The following MYO10 variants were observed in gnomAD, a reference collection of about 807,000 sequenced individuals.
The protein encoded by MYO10 is myosin X.
MYO10 carries 133 observed loss-of-function variants against 257.3 expected under a neutral mutation model. The ratio of observed to expected loss-of-function variants is 0.52; its 90% CI spans 0.45 to 0.60. The LOEUF (loss-of-function observed/expected upper bound fraction) is 0.60. Among genes scored for constraint, MYO10 ranks in the 20% least tolerant of loss-of-function variants. MYO10 has a pLI of 0.00. For missense variants in MYO10, 2,399 were observed against 2,635.7 expected (o/e 0.91, Z 1.97); for synonymous variants, 1,104 against 1,028.6 (o/e 1.07, Z -1.40).
chr5:16,685,852 C>T lies in MYO10; in HGVS notation c.3897-21G>A, dbSNP rs755852285. Reference sequence around the variant, plus strand: ...ACTGGCTGTGGGGAAGAGAGAGCAACTGTCAAGGAGAGGCCAACCTCGTAC... The same window carrying T: ...ACTGGCTGTGGGGAAGAGAGAGCAATTGTCAAGGAGAGGCCAACCTCGTAC... On this transcript the variant is annotated intron_variant, in intron 28 of 40. Coordinates refer to ENST00000513610, the MANE Select transcript of MYO10 (RefSeq NM_012334.3). 7.6e-6 allele frequency: 12 copies of T among 1,572,070 alleles called. No individual in the cohort carries two copies. The South Asian group carries it at 9.3e-5, about 12-fold the overall frequency.
rs1193788540 is a variant in MYO10, at chr5:16,747,977, AAG to A, written c.1929+6849_1929+6850del. Among the ~76,000 whole-genome samples, 7 of 151,690 alleles carry A rather than the reference AAG, an allele frequency of 4.6e-5. No individual in the cohort carries two copies. The Middle Eastern group carries it at 0.01, about 221-fold the overall frequency. On this transcript the variant is annotated intron_variant, in intron 19 of 40. Coordinates refer to ENST00000513610, the MANE Select transcript of MYO10 (RefSeq NM_012334.3). The stretch of plus-strand genomic sequence containing the variant: ...AAAAAAAGATACAGGAAGAAAAAAA[AAG>A]AGAAAAAGATAGAGGAAGAATAACA...
rs766503300 is a variant in MYO10, at chr5:16,704,574, C to T, written c.2276+5G>A. 2 of 1,613,144 alleles carry T rather than the reference C, an allele frequency of 1.2e-6. No homozygotes were observed. Among genetic ancestry groups the T allele is most frequent in the African/African-American group, 2.7e-5 (2 of 74,900 alleles). On this transcript the variant is annotated splice_donor_5th_base_variant and intron_variant, in intron 22 of 40. Coordinates refer to ENST00000513610, the MANE Select transcript of MYO10 (RefSeq NM_012334.3). ...TGCCTTATCCCCTCAGCGTGGGGTT[C>T]TTACCGTGCTAAGAAGCCCAAGACA...
At chr5:16,718,335 C>T (rs577641760) in intron 19 of MYO10, among the ~76,000 whole-genome samples, 1 of 152,222 alleles carries the variant, frequency 6.6e-6, no homozygotes, top group Non-Finnish European at 1.5e-5. Context: ...CTAAGGAATG[C>T]GAGCGCACGG....
At position 16,681,974 on chromosome 5, in the gene MYO10, C is replaced by G; in HGVS notation, c.4086G>C (p.Leu1362=). ...CCTCCGGCGTGTCGGCGTTGCAGTG[C>G]AGCACCCGGTTGGCCGTGATGATCA... The part of the protein sequence containing the change: ...SFVIITANRV[L]HCNADTPEEM... Residue 1362 remains leucine, a synonymous_variant, in exon 31 of 41, where the codon CTG becomes CTC. Coordinates refer to ENST00000513610, the MANE Select transcript of MYO10 (RefSeq NM_012334.3). 6.2e-7 allele frequency: 1 copy of G among 1,613,878 alleles called. No homozygotes were observed. The highest frequency in any genetic ancestry group is 1.6e-4 in the Middle Eastern group (1 of 6,062).
intron 2 of MYO10, among the ~76,000 whole-genome samples, chr5:16,833,253 G>A (rs1487579913): frequency 2.7e-5 from 4 of 147,520 alleles, no homozygotes; most frequent in African/African-American, 7.6e-5. Flanking sequence ...TTACTCTGTC[G>A]CCCAGGCTGG....
intron 31 of MYO10, 122 bp from the exon 32 acceptor site, chr5:16,681,625 C>T: frequency 8.8e-7 from 1 of 1,139,184 alleles, no homozygotes; most frequent in South Asian, 1.6e-5. Context: ...AAAAAGACCA[C>T]GAACACCCCA....
intron 25 of MYO10, 65 bp downstream of exon 25, chr5:16,700,898 G>A: frequency 6.9e-7 from 1 of 1,449,852 alleles, no homozygotes; most frequent in Non-Finnish European, 9.2e-7. Context: ...TTCAACTTGA[G>A]GATGCAACAG....
rs1310019549 is a variant in MYO10, at chr5:16,818,386, G to A, written c.121-219C>T. Reference sequence around the variant, plus strand: ...TATGTGTGTGTGTGTGTGTGCGTGTGTGTGTGTGTGTGTGTGTGTGTGTGT... The same window carrying A: ...TATGTGTGTGTGTGTGTGTGCGTGTATGTGTGTGTGTGTGTGTGTGTGTGT... On this transcript the variant is annotated intron_variant, in intron 2 of 40. Transcript: ENST00000513610. Among the ~76,000 whole-genome samples, 51 of 24,660 alleles carry A rather than the reference G, an allele frequency of 2.1e-3. 1 individual carries two copies. The highest frequency in any genetic ancestry group is 0.032 in the Middle Eastern group (2 of 62). The allele number at this position is 24,660 out of a possible 152,430, so 16.2% of individuals were successfully genotyped here.
chr5:16,770,086 GCC>G (rs1740999909), intron 9 of MYO10, among the ~76,000 whole-genome samples: 1 of 152,004 alleles, frequency 6.6e-6, no homozygotes, highest in Admixed American at 6.6e-5. Context: ...TAAAAAATTA[GCC>G]AGGTGTGTTG....
intron 4 of MYO10, 113 bp from the exon 5 acceptor site, chr5:16,783,582 G>T: frequency 8.4e-7 from 1 of 1,193,284 alleles, no homozygotes; most frequent in Non-Finnish European, 1.2e-6. Flanking sequence ...AAGGTGGGAA[G>T]AGGGAGATCA....
At chr5:16,721,500 A>T (rs1739151097) in intron 19 of MYO10, among the ~76,000 whole-genome samples, 1 of 152,174 alleles carries the variant, frequency 6.6e-6, no homozygotes, top group African/African-American at 2.4e-5. Context: ...CTACTTGCTA[A>T]TTTTCACATT....
At chr5:16,784,842 C>T (rs1393523016) in intron 4 of MYO10, among the ~76,000 whole-genome samples, 2 of 152,136 alleles carry the variant, frequency 1.3e-5, no homozygotes, top group African/African-American at 2.4e-5. Context: ...GCCAACATGC[C>T]GGGCTGGGTG....
intron 33 of MYO10, among the ~76,000 whole-genome samples, chr5:16,677,377 A>G (rs1736775248): frequency 6.9e-6 from 1 of 144,508 alleles, no homozygotes; most frequent in Non-Finnish European, 1.5e-5. Flanking sequence ...ATTCAAATTG[A>G]TTCAAACAAT....
chr5:16,849,399 T>C (rs1743733845), intron 2 of MYO10, among the ~76,000 whole-genome samples: 2 of 152,270 alleles, frequency 1.3e-5, no homozygotes. Context: ...ATGGTAGAGT[T>C]TGTGCCACTA....
intron 39 of MYO10, among the ~76,000 whole-genome samples, chr5:16,669,021 G>GTT (rs1209614977): frequency 6.6e-6 from 1 of 152,118 alleles, no homozygotes; most frequent in Non-Finnish European, 1.5e-5. Flanking sequence ...GACTTTACCA[G>GTT]TTTAACTGTA....
chr5:16,831,382 G>A (rs906169432), intron 2 of MYO10, among the ~76,000 whole-genome samples: 2 of 152,180 alleles, frequency 1.3e-5, no homozygotes, highest in Non-Finnish European at 2.9e-5. Context: ...TCTACCCAGA[G>A]GAAAAGAAGT....
At chr5:16,747,569 G>C (rs1740232059) in intron 19 of MYO10, among the ~76,000 whole-genome samples, 1 of 152,092 alleles carries the variant, frequency 6.6e-6, no homozygotes, top group Non-Finnish European at 1.5e-5. Context: ...ACTAGCATTA[G>C]GGCAAAGAGA....
chr5:16,682,803 TAAAA>T (rs1217960373), intron 30 of MYO10, among the ~76,000 whole-genome samples: 5 of 149,672 alleles, frequency 3.3e-5, no homozygotes, highest in African/African-American at 9.8e-5. Flanking sequence ...AAATAAAAAA[TAAAA>T]AAAGCCTTTT....
At position 16,878,985 on chromosome 5, in the gene MYO10, TA is replaced by T. The variant is rs78179858; in HGVS notation, c.22-1279del. Among the ~76,000 whole-genome samples, 260 of 139,170 alleles carry T rather than the reference TA, an allele frequency of 1.9e-3. 1 individual carries two copies. Among genetic ancestry groups the T allele is most frequent in the Admixed American group, 1.9e-3 (26 of 13,846 alleles). 91.3% of individuals were successfully genotyped at this position (139,170 alleles called of 152,430 possible). A position where few individuals can be genotyped will look rare whatever the true frequency, so the allele number is the denominator to read the frequency against. On this transcript the variant is annotated intron_variant, in intron 1 of 40. Transcript: ENST00000513610. ...TGTCCCCCCAAAAACTAATGAAATTTAAAAAAAAAAAAGAAAAAAAAAGAAT... is the reference window on the plus strand; with the variant it reads ...TGTCCCCCCAAAAACTAATGAAATTTAAAAAAAAAAAGAAAAAAAAAGAAT...
Sources: allele counts gnomAD v4.1 joint callset (sites outside exome capture counted in the v4.1 genomes callset), GRCh38; gene constraint gnomAD v4.1.1; transcripts MANE v1.5; gene names NCBI Gene and HGNC (gene_info 2026-07-23, HGNC 2026-07-21).